Variants in TBC1D16 observed in about 807,000 individuals in gnomAD.
The protein encoded by TBC1D16 is TBC1 domain family member 16.
TBC1D16 carries 58 observed loss-of-function variants against 74.7 expected under a neutral mutation model. The ratio of observed to expected loss-of-function variants is 0.78; its 90% CI spans 0.63 to 0.97. The LOEUF (loss-of-function observed/expected upper bound fraction) is 0.97. Among genes scored for constraint, TBC1D16 ranks in the 50% least tolerant of loss-of-function variants. The probability of loss-of-function intolerance (pLI) is 0.00; values close to 1 mark genes in which losing one functional copy is unlikely to be tolerated. For missense variants in TBC1D16, 1,014 were observed against 1,079.5 expected, an observed-to-expected ratio of 0.94 and a Z score of 0.85; for synonymous variants, 493 against 474.7, an observed-to-expected ratio of 1.04 and a Z score of -0.50.
At position 79,947,799 on chromosome 17, in the gene TBC1D16, G is replaced by C; in HGVS notation, c.1574C>G (p.Pro525Arg). 3.7e-6 allele frequency: 6 copies of C among 1,613,714 alleles called. No individual in the cohort carries two copies. Among genetic ancestry groups the C allele is most frequent in the Non-Finnish European group, 5.1e-6 (6 of 1,180,026 alleles). The change falls in exon 9 of 12, where the codon CCT becomes CGT. Residue 525 changes from proline to arginine, a missense_variant. Coordinates refer to ENST00000310924, the MANE Select transcript of TBC1D16 (RefSeq NM_019020.4). ...RILLNYAVYNPAVGYSQGMSD... is the reference protein window; with the variant it reads ...RILLNYAVYNRAVGYSQGMSD... ...CATCCCTTGGGAATAGCCGACGGCA[G>C]GGTTGTACACGGCGTAGTTCAGCAG...
At chr17:80,017,484 C>T (rs2036130005) in intron 1 of TBC1D16, among the ~76,000 whole-genome samples, 1 of 151,986 alleles carries the variant, frequency 6.6e-6, no homozygotes, top group South Asian at 2.1e-4. Flanking sequence ...GAGCTCGACA[C>T]CAGCCTGACC....
chr17:79,947,683 C>G lies in TBC1D16; in HGVS notation c.1690G>C (p.Val564Leu). ...FVGLMQNTIFVSSPRDEDMEK... is the reference protein window; with the variant it reads ...FVGLMQNTIFLSSPRDEDMEK... ...ATGTCCTCGTCCCGGGGTGAGCTGA[C>G]GAAGATCGTGTTCTGCATCAAACCC... Residue 564 changes from valine (V) to leucine (L), a missense_variant, in exon 9 of 12, where the codon GTC becomes CTC. Transcript: ENST00000310924. The G allele has an allele frequency of 6.2e-7, 1 of 1,614,102 alleles. No individual in the cohort carries two copies. The highest frequency in any genetic ancestry group is 1.1e-5 in the South Asian group (1 of 91,084).
At position 79,935,304 on chromosome 17, in the gene TBC1D16, G is replaced by C. The variant is rs2031516825; in HGVS notation, c.*5555C>G. On this transcript the variant is annotated 3_prime_UTR_variant, in exon 12 of 12. Coordinates refer to ENST00000310924, the MANE Select transcript of TBC1D16 (RefSeq NM_019020.4). The stretch of plus-strand genomic sequence containing the variant: ...CCATCGCCGCCTGCTGGGGGGGCCT[G>C]AGGTCCGGAGCTGCTCTTCCTCCTG... 6.6e-6 allele frequency: 1 copy of C among 152,316 alleles called. No individual in the cohort carries two copies. The highest frequency in any genetic ancestry group is 6.5e-5 in the Admixed American group (1 of 15,288). 9.4% of individuals were successfully genotyped at this position (152,316 alleles called of 1,614,324 possible). A position where few individuals can be genotyped will look rare whatever the true frequency, so the allele number is the denominator to read the frequency against.
At chr17:79,982,125 C>T (rs1014832420) in intron 3 of TBC1D16, among the ~76,000 whole-genome samples, 1 of 151,472 alleles carries the variant, frequency 6.6e-6, no homozygotes, top group Non-Finnish European at 1.5e-5. Context: ...TTTCCATTGT[C>T]GTTTTTCTTT....
chr17:80,017,938 T>A (rs1372460093), intron 1 of TBC1D16, among the ~76,000 whole-genome samples: 1 of 152,078 alleles, frequency 6.6e-6, no homozygotes, highest in Non-Finnish European at 1.5e-5. Context: ...GAAACTTAAT[T>A]AAAAAAATCA....
rs371258425 is a variant in TBC1D16, at chr17:79,986,326, A to G, written c.779+23834T>C. Among the ~76,000 whole-genome samples the G allele has an allele frequency of 8.5e-5, 13 of 152,208 alleles. No homozygotes were observed. The highest frequency in any genetic ancestry group is 3.1e-4 in the African/African-American group (13 of 41,456). The stretch of plus-strand genomic sequence containing the variant: ...TATCCCAAGGCCACGTTCGCTTCAT[A>G]AACGCAAGGTGATCTCTGAGCACCT... On this transcript the variant is annotated intron_variant, in intron 3 of 11. Transcript: ENST00000310924. The surrounding 1 kb of genome is among the most constrained non-coding windows in gnomAD (Gnocchi z 6.0).
At chr17:80,011,622 C>G (rs994802024) in intron 2 of TBC1D16, among the ~76,000 whole-genome samples, 1 of 152,098 alleles carries the variant, frequency 6.6e-6, no homozygotes, top group South Asian at 2.1e-4. Flanking sequence ...GTCAGGAGAT[C>G]GAGACCATCG....
intron 1 of TBC1D16, among the ~76,000 whole-genome samples, chr17:80,029,003 A>G (rs1318998697): frequency 2.0e-5 from 3 of 152,170 alleles, no homozygotes; most frequent in Non-Finnish European, 2.9e-5. Flanking sequence ...ATTCGAAAGG[A>G]AAGAACAACT....
chr17:79,966,420 C>T (rs573227236), intron 3 of TBC1D16, among the ~76,000 whole-genome samples: 1 of 152,240 alleles, frequency 6.6e-6, no homozygotes, highest in South Asian at 2.1e-4. Flanking sequence ...GCAAACATGA[C>T]AGCTCACTTC....
chr17:79,969,323 T>C (rs1220842960), intron 3 of TBC1D16, among the ~76,000 whole-genome samples: 5 of 151,838 alleles, frequency 3.3e-5, no homozygotes, highest in African/African-American at 1.2e-4. Flanking sequence ...GAAGTGGAGG[T>C]TGCAGTGAGC....
In TBC1D16 at chr17:80,030,668, A is replaced by G. The variant is rs556250338; in HGVS notation, c.-63+5127T>C. Among the ~76,000 whole-genome samples the G allele has an allele frequency of 3.0e-4, 45 of 152,370 alleles. No homozygotes were observed. The South Asian group carries it at 8.5e-3, about 29-fold the overall frequency. On this transcript the variant is annotated intron_variant, in intron 1 of 11. Transcript: ENST00000310924. Reference sequence around the variant, plus strand: ...CTTGGGTTAGGGGCCAGGATGCAGCAGTCAGCAGGACAGACCTGGTCCTGG... The same window carrying G: ...CTTGGGTTAGGGGCCAGGATGCAGCGGTCAGCAGGACAGACCTGGTCCTGG...
Position 79,940,879 on chromosome 17 carries a change from C to G in TBC1D16, c.2284G>C (p.Gly762Arg), listed in dbSNP as rs201904103. ...GKKGPKTPQDGFGFRR is the reference protein window; with the variant it reads ...GKKGPKTPQDRFGFRR ...CCGACCTATCTGCGGAAGCCGAAGC[C>G]GTCCTGCGGCGTCTTTGGGCCCTTC... is the stretch of plus-strand genomic sequence containing the variant. The change falls in exon 12 of 12, where the codon GGC becomes CGC. Residue 762 changes from glycine (G) to arginine (R), a missense_variant. Coordinates refer to ENST00000310924, the MANE Select transcript of TBC1D16 (RefSeq NM_019020.4). This position sits in a 1 kb window ranked among gnomAD's most constrained non-coding sequence, Gnocchi z 5.4. The G allele has an allele frequency of 6.4e-7, 1 of 1,557,222 alleles. No individual in the cohort carries two copies. Among genetic ancestry groups the G allele is most frequent in the East Asian group, 2.3e-5 (1 of 43,370 alleles).
chr17:80,022,222 TTGAG>T, intron 1 of TBC1D16, among the ~76,000 whole-genome samples: 1 of 150,178 alleles, frequency 6.7e-6, no homozygotes, highest in Non-Finnish European at 1.5e-5. Context: ...GAGCAGTTCA[TTGAG>T]TGTTTATGTT....
At chr17:79,947,908 C>T (rs1337758491) in intron 8 of TBC1D16, 77 bp from the exon 9 acceptor site, 3 of 1,269,484 alleles carry the variant, frequency 2.4e-6, no homozygotes, top group Middle Eastern at 2.1e-4. Flanking sequence ...GAACCCTGGG[C>T]CGTGGACCCT....
chr17:80,013,299 C>G, intron 2 of TBC1D16, 68 bp downstream of exon 2: 2 of 1,467,164 alleles, frequency 1.4e-6, no homozygotes, highest in Non-Finnish European at 1.8e-6. Context: ...GGCCCAGGGC[C>G]TTTAGAGCCC....
rs778907336 is a variant in TBC1D16, at chr17:79,944,135, C to A, written c.1908+773G>T. ...GCGGTGTGAGTGAGGACAGGAGACG[C>A]TGACGCAAATGTCTTCCAGCAGATG... On this transcript the variant is annotated intron_variant, in intron 10 of 11. Transcript: ENST00000310924. This position sits in a 1 kb window ranked among gnomAD's most constrained non-coding sequence, Gnocchi z 7.7. 5.9e-6 allele frequency: 9 copies of A among 1,535,996 alleles called. No homozygotes were observed. The highest frequency in any genetic ancestry group is 3.6e-5 in the South Asian group (3 of 84,062).
intron 3 of TBC1D16, among the ~76,000 whole-genome samples, chr17:79,997,573 T>C (rs1568622368): frequency 6.6e-6 from 1 of 152,208 alleles, no homozygotes; most frequent in African/African-American, 2.4e-5. Flanking sequence ...GAATAGACTT[T>C]CTTTTTTAGA....
rs1207121589 is a variant in TBC1D16, at chr17:80,026,729, A to G, written c.-63+9066T>C. Among the ~76,000 whole-genome samples the G allele has an allele frequency of 1.0e-4, 15 of 149,982 alleles. 1 individual carries two copies. The highest frequency in any genetic ancestry group is 9.8e-4 in the Admixed American group (15 of 15,238). Reference sequence around the variant, plus strand: ...AAGACTTTGAATGGCCCTTGCCCACAGCAGTGTGGAGCAGTTGATGCCCAT... The same window carrying G: ...AAGACTTTGAATGGCCCTTGCCCACGGCAGTGTGGAGCAGTTGATGCCCAT... On this transcript the variant is annotated intron_variant, in intron 1 of 11. Transcript: ENST00000310924.
At chr17:80,023,452 C>T (rs757539372) in intron 1 of TBC1D16, among the ~76,000 whole-genome samples, 1 of 150,022 alleles carries the variant, frequency 6.7e-6, no homozygotes, top group Non-Finnish European at 1.5e-5. Flanking sequence ...AGGGCAAGCT[C>T]GTCAGAGACC....
Sources: gnomAD v4.1 joint callset for allele counts (sites outside exome capture counted in the v4.1 genomes callset) on GRCh38, gnomAD v4.1.1 for gene constraint, Gnocchi (gnomAD v3.1) non-coding constraint, MANE v1.5 for transcripts, NCBI Gene and HGNC (gene_info 2026-07-23, HGNC 2026-07-21) for gene names.